Variants in N4BP2L2 observed in about 807,000 individuals in gnomAD.
N4BP2L2 encodes the protein NEDD4-binding protein 2-like 2.
Under a neutral mutation model 56.2 loss-of-function variants are expected in N4BP2L2, and 50 were observed. That is an observed-to-expected ratio of 0.89 (90% CI 0.71 to 1.13). N4BP2L2 has a LOEUF of 1.13. Ranked by LOEUF, N4BP2L2 falls within the 50% of genes most tolerant of loss-of-function variation. The probability of loss-of-function intolerance (pLI) is 0.00; values close to 1 mark genes in which losing one functional copy is unlikely to be tolerated. For synonymous variants in N4BP2L2, 203 were observed against 223.6 expected, an observed-to-expected ratio of 0.91 and a Z score of 0.82; for missense variants, 689 against 693.8, an observed-to-expected ratio of 0.99 and a Z score of 0.08.
At chr13:32,481,592 T>C (rs1303509786) in intron 6 of N4BP2L2, among the ~76,000 whole-genome samples, 1 of 152,192 alleles carries the variant, frequency 6.6e-6, no homozygotes, top group African/African-American at 2.4e-5. Context: ...AGAGGGACTA[T>C]TACAAGGACT....
chr13:32,527,934 G>T (rs2053555899), intron 2 of N4BP2L2, among the ~76,000 whole-genome samples: 1 of 152,016 alleles, frequency 6.6e-6, no homozygotes, highest in African/African-American at 2.4e-5. Flanking sequence ...ACCATGCCTG[G>T]CTAATTTTTG....
intron 6 of N4BP2L2, among the ~76,000 whole-genome samples, chr13:32,491,000 C>CAAAAA (rs5802645): frequency 1.4e-5 from 2 of 145,638 alleles, no homozygotes; most frequent in African/African-American, 2.5e-5. Flanking sequence ...CAGATTAAAG[C>CAAAAA]AAAAAAAAAA....
intron 6 of N4BP2L2, among the ~76,000 whole-genome samples, chr13:32,494,846 C>A (rs377117825): frequency 6.6e-6 from 1 of 152,148 alleles, no homozygotes; most frequent in South Asian, 2.1e-4. Flanking sequence ...CTGTGTTCTC[C>A]AAGACCTATG....
Position 32,492,269 on chromosome 13 carries a change from C to CA in N4BP2L2, c.365+25587dup, listed in dbSNP as rs1174532540. Among the ~76,000 whole-genome samples, 451 of 104,134 alleles carry CA rather than the reference C, an allele frequency of 4.3e-3. 3 individuals carry two copies. Among genetic ancestry groups the CA allele is most frequent in the African/African-American group, 0.016 (433 of 26,934 alleles). The allele number at this position is 104,134 out of a possible 152,430, so 68.3% of individuals were successfully genotyped here. A position where few individuals can be genotyped will look rare whatever the true frequency, so the allele number is the denominator to read the frequency against. ...TTATTTTCTACACATCCCAAAACAC[C>CA]AAAATTTTTTTTTTTTTTTTTTTTT... On this transcript the variant is annotated intron_variant, in intron 6 of 9. Transcript: ENST00000357505.
chr13:32,480,552 T>C, intron 6 of N4BP2L2: 3 of 1,108,930 alleles, frequency 2.7e-6, no homozygotes, highest in Non-Finnish European at 3.6e-6. Flanking sequence ...AATCAGACGC[T>C]AGATCCATTA....
chr13:32,483,557 C>T (rs1466943955), intron 6 of N4BP2L2, among the ~76,000 whole-genome samples: 1 of 152,196 alleles, frequency 6.6e-6, no homozygotes, highest in Non-Finnish European at 1.5e-5. Context: ...TCCAGACTAA[C>T]ACACGGTGAA....
chr13:32,449,225 C>T (rs182901175), intron 6 of N4BP2L2, among the ~76,000 whole-genome samples: 30 of 152,248 alleles, frequency 2.0e-4, no homozygotes, highest in African/African-American at 6.0e-4. Context: ...TGGGTTTATT[C>T]GCAAGTCTGT....
At chr13:32,457,402 T>C (rs2079149818) in intron 6 of N4BP2L2, among the ~76,000 whole-genome samples, 1 of 152,114 alleles carries the variant, frequency 6.6e-6, no homozygotes, top group African/African-American at 2.4e-5. Flanking sequence ...CAAATAGATG[T>C]AACTCAAAAA....
intron 8 of N4BP2L2, among the ~76,000 whole-genome samples, chr13:32,437,343 T>C (rs2075645521): frequency 6.6e-6 from 1 of 152,196 alleles, no homozygotes; most frequent in South Asian, 2.1e-4. Context: ...ACTTTGCCCA[T>C]AGAGGTGTTT....
At chr13:32,533,798 T>C (rs1473873127) in intron 2 of N4BP2L2, among the ~76,000 whole-genome samples, 1 of 152,168 alleles carries the variant, frequency 6.6e-6, no homozygotes, top group Non-Finnish European at 1.5e-5. Context: ...TTCACTCTAT[T>C]ATTTTGTCAA....
At chr13:32,464,586 A>T (rs1362006692) in intron 6 of N4BP2L2, among the ~76,000 whole-genome samples, 1 of 152,184 alleles carries the variant, frequency 6.6e-6, no homozygotes, top group African/African-American at 2.4e-5. Flanking sequence ...CTTCTTGCAT[A>T]TATCAAGGTT....
chr13:32,502,777 C>T (rs892864173), intron 6 of N4BP2L2, among the ~76,000 whole-genome samples: 1 of 152,164 alleles, frequency 6.6e-6, no homozygotes, highest in African/African-American at 2.4e-5. Context: ...AAGCACAGAA[C>T]TCCATTGCTC....
exon 7 of N4BP2L2, chr13:32,442,459 A>G (rs1379175384): frequency 6.2e-7 from 1 of 1,612,798 alleles, no homozygotes; most frequent in African/African-American, 1.3e-5. Flanking sequence ...TGGTAGCTCA[A>G]GGGAACGGTA....
intron 6 of N4BP2L2, among the ~76,000 whole-genome samples, chr13:32,502,788 C>T (rs1041751374): frequency 6.6e-6 from 1 of 152,124 alleles, no homozygotes; most frequent in Non-Finnish European, 1.5e-5. Flanking sequence ...TCCATTGCTC[C>T]GTGAACACCA....
At chr13:32,467,261 A>ATT (rs111268635) in intron 6 of N4BP2L2, among the ~76,000 whole-genome samples, 6 of 142,314 alleles carry the variant, frequency 4.2e-5, no homozygotes, top group African/African-American at 7.6e-5. Context: ...AGAGAGGGGC[A>ATT]TTTTTTTTTT....
At chr13:32,510,503 T>G (rs954887906) in exon 6 of N4BP2L2, 2 of 148,392 alleles carry the variant, frequency 1.3e-5, no homozygotes, top group Non-Finnish European at 3.0e-5. Flanking sequence ...ATCAATTTTT[T>G]TTTTTTTTTT....
chr13:32,490,184 G>A (rs558923446), intron 6 of N4BP2L2: 3 of 151,916 alleles, frequency 2.0e-5, no homozygotes, highest in East Asian at 1.9e-4. Flanking sequence ...CGTCATCTTC[G>A]GCTTGTGAAG....
chr13:32,439,352 T>G (rs77957246), intron 7 of N4BP2L2, among the ~76,000 whole-genome samples: 6,956 of 152,294 alleles, frequency 0.046, 513 homozygotes, highest in African/African-American at 0.16. Flanking sequence ...AAAAGCTTTC[T>G]GAAGTTTAAT....
intron 6 of N4BP2L2, among the ~76,000 whole-genome samples, chr13:32,466,960 G>A (rs2081348084): frequency 6.6e-6 from 1 of 152,102 alleles, no homozygotes; most frequent in African/African-American, 2.4e-5. Flanking sequence ...CTTTGATAAA[G>A]TCCTGAATAT....
Sources: gnomAD v4.1 joint callset for allele counts (sites outside exome capture counted in the v4.1 genomes callset) on GRCh38, gnomAD v4.1.1 for gene constraint, MANE v1.5 for transcripts, NCBI Gene and HGNC (gene_info 2026-07-23, HGNC 2026-07-21) for gene names.